CCSER1: variants seen among roughly 807,000 people sequenced by gnomAD.
CCSER1 encodes the protein coiled-coil serine rich protein 1, also known as serine-rich coiled-coil domain-containing protein 1.
A neutral mutation model predicts 82.0 loss-of-function variants in CCSER1; 41 were observed. The ratio of observed to expected loss-of-function variants is 0.50; its 90% CI spans 0.39 to 0.65. The LOEUF (loss-of-function observed/expected upper bound fraction) is 0.65. CCSER1 is among the 30% of genes least tolerant of loss of function. CCSER1 has a pLI of 0.00. For synonymous variants in CCSER1, 414 were observed against 383.9 expected (o/e 1.08, Z -0.92); for missense variants, 1,119 against 1,064.2 (o/e 1.05, Z -0.72).
chr4:90,371,547 A>G (rs1007482796), intron 3 of CCSER1, among the ~76,000 whole-genome samples: 10 of 61,920 alleles, frequency 1.6e-4, no homozygotes, highest in African/African-American at 2.7e-4. Context: ...TAAGCCAAAG[A>G]AAAAAAACAG....
chr4:90,414,610 C>T (rs1303870298), intron 4 of CCSER1, among the ~76,000 whole-genome samples: 1 of 152,038 alleles, frequency 6.6e-6, no homozygotes, highest in Non-Finnish European at 1.5e-5. Context: ...CTTTCTTATT[C>T]ATGTTTGTAT....
At chr4:90,382,859 T>C (rs956740406) in intron 3 of CCSER1, among the ~76,000 whole-genome samples, 2 of 145,162 alleles carry the variant, frequency 1.4e-5, no homozygotes, top group African/African-American at 5.2e-5. Flanking sequence ...TGTGTTAGAG[T>C]GTTCTTATTC....
intron 1 of CCSER1, among the ~76,000 whole-genome samples, chr4:90,213,201 T>A (rs1416265713): frequency 4.0e-5 from 6 of 151,084 alleles, no homozygotes; most frequent in African/African-American, 1.5e-4. Flanking sequence ...GGAGAGAGAG[T>A]CATAAGGAAT....
At chr4:90,544,664 A>G (rs1579074008) in intron 5 of CCSER1, among the ~76,000 whole-genome samples, 1 of 152,130 alleles carries the variant, frequency 6.6e-6, no homozygotes, top group East Asian at 1.9e-4. Flanking sequence ...TTGTGACTGA[A>G]GAACTCCACC....
chr4:91,427,135 G>A (rs944535107), intron 10 of CCSER1, among the ~76,000 whole-genome samples: 2 of 152,106 alleles, frequency 1.3e-5, no homozygotes, highest in Non-Finnish European at 2.9e-5. Flanking sequence ...GAAGATAGAA[G>A]TTTAAGGTTG....
chr4:90,460,678 G>A (rs1762784703), intron 4 of CCSER1, among the ~76,000 whole-genome samples: 1 of 152,024 alleles, frequency 6.6e-6, no homozygotes, highest in Middle Eastern at 3.2e-3. Flanking sequence ...TAAATAATAT[G>A]GTTGTATAGA....
At chr4:90,283,977 A>G (rs760438543) in intron 1 of CCSER1, among the ~76,000 whole-genome samples, 3 of 151,898 alleles carry the variant, frequency 2.0e-5, no homozygotes, top group Non-Finnish European at 4.4e-5. Flanking sequence ...CCACATCCTC[A>G]CCAGCATCAG....
At chr4:90,588,398 C>T (rs1336812791) in intron 5 of CCSER1, among the ~76,000 whole-genome samples, 3 of 152,166 alleles carry the variant, frequency 2.0e-5, no homozygotes, top group Non-Finnish European at 4.4e-5. Context: ...TAGATTTAAT[C>T]TCAAGAAAAC....
rs148397526 is a variant in CCSER1, at chr4:91,280,921, T to C, written c.2217+194927T>C. ...GGGTCGTTAGGCTCTCAAAATGGTG[T>C]GGTGCTATATTTGCTTAGGACTCAG... On this transcript the variant is annotated intron_variant, in intron 10 of 10. Coordinates refer to ENST00000509176, the MANE Select transcript of CCSER1 (RefSeq NM_001145065.2). 2.2e-3 allele frequency among the ~76,000 whole-genome samples: 334 copies of C among 152,160 alleles called. 1 individual carries two copies. Among genetic ancestry groups the C allele is most frequent in the African/African-American group, 7.6e-3 (315 of 41,540 alleles).
At position 91,598,818 on chromosome 4, in the gene CCSER1, C is replaced by A; in HGVS notation, c.2464C>A (p.Arg822=). Residue 822 remains arginine, a synonymous_variant, in exon 11 of 11, where the codon CGG becomes AGG. Transcript: ENST00000509176. ...TLTSDVTQNL[R]ATVGQSSLKP... Reference sequence around the variant, plus strand: ...CACTTCAGACGTTACACAGAACTTACGGGCCACCGTTGGGCAGAGCTCTCT... The same window carrying A: ...CACTTCAGACGTTACACAGAACTTAAGGGCCACCGTTGGGCAGAGCTCTCT... The A allele has an allele frequency of 6.4e-7, 1 of 1,551,574 alleles. No individual in the cohort carries two copies. The highest frequency in any genetic ancestry group is 8.7e-7 in the Non-Finnish European group (1 of 1,146,906).
intron 9 of CCSER1, among the ~76,000 whole-genome samples, chr4:91,027,186 A>G (rs1270474003): frequency 3.3e-5 from 5 of 152,064 alleles, no homozygotes; most frequent in Admixed American, 6.6e-5. Flanking sequence ...ATATTTTAAT[A>G]TAACTATGTC....
chr4:90,762,664 A>G (rs1421215421), intron 7 of CCSER1, among the ~76,000 whole-genome samples: 1 of 152,170 alleles, frequency 6.6e-6, no homozygotes, highest in Non-Finnish European at 1.5e-5. Context: ...TAAAAGCCCC[A>G]AATCCTTTTT....
At chr4:91,474,815 A>ATATATATATATATG (rs1560700786) in intron 10 of CCSER1, among the ~76,000 whole-genome samples, 2 of 63,406 alleles carry the variant, frequency 3.2e-5, no homozygotes, top group African/African-American at 1.2e-4. Context: ...ATATATATAC[A>ATATATATATATATG]CACACACACA....
rs150038860 is a variant in CCSER1, at chr4:91,053,107, GT to G, written c.2173-32840del. ...CTGCAATGAGTTTGGACCAAAATTA[GT>G]TTGAGAATAAATTTAGGGAAAAATG... is the stretch of plus-strand genomic sequence containing the variant. On this transcript the variant is annotated intron_variant, in intron 9 of 10. Coordinates refer to ENST00000509176, the MANE Select transcript of CCSER1 (RefSeq NM_001145065.2). Among the ~76,000 whole-genome samples the G allele has an allele frequency of 1.8e-3, 276 of 152,226 alleles. 8 individuals carry two copies. The East Asian group carries it at 0.042, about 23-fold the overall frequency.
At chr4:90,335,117 A>G (rs1010895764) in intron 3 of CCSER1, among the ~76,000 whole-genome samples, 6 of 152,176 alleles carry the variant, frequency 3.9e-5, no homozygotes, top group African/African-American at 1.4e-4. Flanking sequence ...CAACTACCTT[A>G]TTCAAAGGCA....
At chr4:91,397,114 T>C (rs909532286) in intron 10 of CCSER1, among the ~76,000 whole-genome samples, 1 of 152,096 alleles carries the variant, frequency 6.6e-6, no homozygotes. Flanking sequence ...TTGCTAAATA[T>C]TTCTTGAAAT....
intron 1 of CCSER1, among the ~76,000 whole-genome samples, chr4:90,212,545 A>G (rs1386402882): frequency 1.3e-5 from 2 of 152,228 alleles, no homozygotes; most frequent in Admixed American, 6.5e-5. Context: ...ATACAAGAAC[A>G]AAGTAGAGAA....
chr4:90,931,004 AT>A (rs1307206760), intron 9 of CCSER1, among the ~76,000 whole-genome samples: 1 of 144,936 alleles, frequency 6.9e-6, no homozygotes, highest in East Asian at 2.0e-4. Flanking sequence ...ACACACATAA[AT>A]ATCCTTGAAA....
At chr4:91,284,174 A>C (rs576229788) in intron 10 of CCSER1, among the ~76,000 whole-genome samples, 1 of 152,096 alleles carries the variant, frequency 6.6e-6, no homozygotes, top group Admixed American at 6.6e-5. Flanking sequence ...CTCTCTCTCA[A>C]CTCAGTAAGG....
Sources: allele counts gnomAD v4.1 joint callset (sites outside exome capture counted in the v4.1 genomes callset), GRCh38; gene constraint gnomAD v4.1.1; transcripts MANE v1.5; gene names NCBI Gene and HGNC (gene_info 2026-07-23, HGNC 2026-07-21).